RIPPLY3: variants seen among roughly 807,000 people sequenced by gnomAD.
RIPPLY3 encodes the protein protein ripply3.
Under a neutral mutation model 11.9 loss-of-function variants are expected in RIPPLY3, and 8 were observed. That is an observed-to-expected ratio of 0.67 (90% CI 0.40 to 1.21). The LOEUF is 1.21. RIPPLY3 is among the 50% of genes most tolerant of loss of function. RIPPLY3 has a pLI of 0.01. For synonymous variants in RIPPLY3, 102 were observed against 99.0 expected (o/e 1.03, Z -0.18); for missense variants, 271 against 246.0 (o/e 1.10, Z -0.68).
intron 3 of RIPPLY3, among the ~76,000 whole-genome samples, chr21:37,015,356 G>T (rs941454952): frequency 1.3e-5 from 2 of 152,036 alleles, no homozygotes; most frequent in African/African-American, 4.8e-5. Context: ...TAGAGGTGGG[G>T]TTTCACCATG....
intron 2 of RIPPLY3, among the ~76,000 whole-genome samples, chr21:37,012,072 G>A (rs777815471): frequency 2.6e-5 from 4 of 151,634 alleles, no homozygotes; most frequent in Non-Finnish European, 2.9e-5. Flanking sequence ...ATGGAATGGC[G>A]TGGAGATTCA....
chr21:37,019,033 C>T lies in RIPPLY3; in HGVS notation c.*826C>T, dbSNP rs550191384. On this transcript the variant is annotated 3_prime_UTR_variant, in exon 4 of 4. Transcript: ENST00000329553. Reference sequence around the variant, plus strand: ...TTATTAAAAAAAAATTTTTTTAACCCGCCGAATAATTCCCATAAGAGTAAC... The same window carrying T: ...TTATTAAAAAAAAATTTTTTTAACCTGCCGAATAATTCCCATAAGAGTAAC... 3 of 151,462 alleles carry T rather than the reference C, an allele frequency of 2.0e-5. No individual in the cohort carries two copies. Among genetic ancestry groups the T allele is most frequent in the Non-Finnish European group, 2.9e-5 (2 of 67,908 alleles). The allele number at this position is 151,462 out of a possible 1,614,324, so 9.4% of individuals were successfully genotyped here. A position where few individuals can be genotyped will look rare whatever the true frequency, so the allele number is the denominator to read the frequency against.
chr21:37,016,611 C>G (rs1003322781), intron 3 of RIPPLY3, among the ~76,000 whole-genome samples: 4 of 152,044 alleles, frequency 2.6e-5, no homozygotes, highest in Non-Finnish European at 5.9e-5. Flanking sequence ...GCAGGAGGAT[C>G]ACTTGAGCTC....
chr21:37,013,307 A>G (rs145421674), intron 2 of RIPPLY3, among the ~76,000 whole-genome samples: 1 of 152,212 alleles, frequency 6.6e-6, no homozygotes, highest in East Asian at 1.9e-4. Flanking sequence ...TAGATTGTAA[A>G]ATGCTGGACT....
chr21:37,014,917 A>G (rs1194655370), intron 3 of RIPPLY3, among the ~76,000 whole-genome samples: 1 of 152,146 alleles, frequency 6.6e-6, no homozygotes, highest in Non-Finnish European at 1.5e-5. Context: ...TTGTAGAGAC[A>G]AGGTCTCACT....
chr21:37,016,381 A>C (rs2069578826), intron 3 of RIPPLY3, among the ~76,000 whole-genome samples: 1 of 152,208 alleles, frequency 6.6e-6, no homozygotes, highest in Non-Finnish European at 1.5e-5. Context: ...TGAAGTAAAA[A>C]ACTATCATCC....
chr21:37,017,697 G>A (rs145595598), intron 3 of RIPPLY3, among the ~76,000 whole-genome samples, 177 bp from the exon 4 acceptor site: 4 of 152,224 alleles, frequency 2.6e-5, no homozygotes, highest in Non-Finnish European at 5.9e-5. Context: ...ATCACCAGGT[G>A]CCTCCAATAG....
Position 37,018,222 on chromosome 21 carries a change from C to T in RIPPLY3, c.*15C>T, listed in dbSNP as rs768065455. On this transcript the variant is annotated 3_prime_UTR_variant, in exon 4 of 4. Transcript: ENST00000329553. ...CATCCAAATGAATCAGTCTCTGTCT[C>T]CTGGGCCCTGCTCTGGGACCTGCCC... 3 of 1,603,312 alleles carry T rather than the reference C, an allele frequency of 1.9e-6. No individual in the cohort carries two copies. The highest frequency in any genetic ancestry group is 2.6e-6 in the Non-Finnish European group (3 of 1,170,932).
intron 3 of RIPPLY3, among the ~76,000 whole-genome samples, chr21:37,014,758 A>G (rs751597240): frequency 6.6e-6 from 1 of 151,592 alleles, no homozygotes; most frequent in Non-Finnish European, 1.5e-5. Context: ...CTGACATCTC[A>G]CTCTGTCACC....
Position 37,012,253 on chromosome 21 carries a change from T to TA in RIPPLY3, c.172-1298_172-1297insA, listed in dbSNP as rs1569286422. Among the ~76,000 whole-genome samples the TA allele has an allele frequency of 5.0e-3, 739 of 148,890 alleles. 5 individuals are homozygous for TA. The highest frequency in any genetic ancestry group is 0.017 in the African/African-American group (691 of 40,482). The stretch of plus-strand genomic sequence containing the variant: ...TTATTATTATTATTATTATTATTAT[T>TA]TTTGAGACGGAGTCTCGCTCTGTTG... On this transcript the variant is annotated intron_variant, in intron 2 of 3. Transcript: ENST00000329553.
Position 37,006,921 on chromosome 21 carries a change from G to A in RIPPLY3, c.104+45G>A. ...CCGGTGGACGCGCTGAGAGGCGTGCGCGGTGGCGGTGCGGGGAGCGCAGCG... is the reference window on the plus strand; with the variant it reads ...CCGGTGGACGCGCTGAGAGGCGTGCACGGTGGCGGTGCGGGGAGCGCAGCG... On this transcript the variant is annotated intron_variant, in intron 1 of 3. Transcript: ENST00000329553. This position sits in a 1 kb window ranked among gnomAD's most constrained non-coding sequence, Gnocchi z 5.2. 1 of 1,088,662 alleles carries A rather than the reference G, an allele frequency of 9.2e-7. No homozygotes were observed. Among genetic ancestry groups the A allele is most frequent in the Non-Finnish European group, 1.2e-6 (1 of 861,832 alleles). The allele number at this position is 1,088,662 out of a possible 1,614,324, so 67.4% of individuals were successfully genotyped here.
At chr21:37,007,264 G>A (rs796555544) in intron 1 of RIPPLY3, among the ~76,000 whole-genome samples, 34 of 152,274 alleles carry the variant, frequency 2.2e-4, no homozygotes, top group African/African-American at 7.2e-4. Flanking sequence ...TGGATTGGGG[G>A]CTCGGCGTTC....
chr21:37,018,317 C>A lies in RIPPLY3; in HGVS notation c.*110C>A, dbSNP rs1401779842. 4 of 895,660 alleles carry A rather than the reference C, an allele frequency of 4.5e-6. No individual in the cohort carries two copies. The highest frequency in any genetic ancestry group is 5.3e-6 in the Non-Finnish European group (3 of 570,376). The allele number at this position is 895,660 out of a possible 1,614,324, so 55.5% of individuals were successfully genotyped here. On this transcript the variant is annotated 3_prime_UTR_variant, in exon 4 of 4. Coordinates refer to ENST00000329553, the MANE Select transcript of RIPPLY3 (RefSeq NM_018962.3). ...CTGCTGAGTGTGCAGAGGCTAGAGG[C>A]TTCTCGGGCAGCCCCTGGCCTGCAC...
chr21:37,011,080 T>C (rs2069516829), intron 2 of RIPPLY3, among the ~76,000 whole-genome samples: 1 of 152,026 alleles, frequency 6.6e-6, no homozygotes, highest in Admixed American at 6.6e-5. Context: ...CTCAGCTCAC[T>C]GCAGCCTCTG....
rs1228885014 is a variant in RIPPLY3 at position 37,019,516 on chromosome 21, G to C, written c.*1309G>C. The C allele has an allele frequency of 6.6e-6, 1 of 151,846 alleles. No individual in the cohort carries two copies. The highest frequency in any genetic ancestry group is 1.5e-5 in the Non-Finnish European group (1 of 67,986). The allele number at this position is 151,846 out of a possible 1,614,324, so 9.4% of individuals were successfully genotyped here. ...CCCATGAACACTATTTTTAATTAAA[G>C]TATCTGATGTAAAATTATTTTGAGT... On this transcript the variant is annotated 3_prime_UTR_variant, in exon 4 of 4. Coordinates refer to ENST00000329553, the MANE Select transcript of RIPPLY3 (RefSeq NM_018962.3).
In RIPPLY3 at chr21:37,018,152, G is replaced by A. The variant is rs2069600490; in HGVS notation, c.518G>A (p.Gly173Asp). Reference sequence around the variant, plus strand: ...GGAGGGGGTGACCACTGGGGGGAGGGTCCGCTCCCTCAAGGTGTCTCCTCA... The same window carrying A: ...GGAGGGGGTGACCACTGGGGGGAGGATCCGCTCCCTCAAGGTGTCTCCTCA... ...SSGGGDHWGE[G>D]PLPQGVSSRG... The change falls in exon 4 of 4, where the codon GGT (glycine) becomes GAT (aspartate). Residue 173 changes from glycine to aspartate, a missense_variant. Physicochemically the swap from Gly to Asp is moderately conservative, Grantham distance 94. Transcript: ENST00000329553. 6.2e-7 allele frequency: 1 copy of A among 1,613,800 alleles called. No individual in the cohort carries two copies. The highest frequency in any genetic ancestry group is 1.3e-5 in the African/African-American group (1 of 74,912).
In RIPPLY3 at chr21:37,019,596, C is replaced by T. The variant is rs998686587; in HGVS notation, c.*1389C>T. 6.6e-6 allele frequency: 1 copy of T among 151,988 alleles called. No homozygotes were observed. Among genetic ancestry groups the T allele is most frequent in the African/African-American group, 2.4e-5 (1 of 41,392 alleles). 9.4% of individuals were successfully genotyped at this position (151,988 alleles called of 1,614,324 possible). On this transcript the variant is annotated 3_prime_UTR_variant, in exon 4 of 4. Transcript: ENST00000329553. ...GAAACTTTTTGACTTACTTATCTTA[C>T]ATGTGGTGTCTTCCTGTATATAGTA...
chr21:37,008,990 C>G (rs887174277), intron 2 of RIPPLY3, among the ~76,000 whole-genome samples: 4 of 152,024 alleles, frequency 2.6e-5, no homozygotes, highest in Admixed American at 2.0e-4. Context: ...AAGCCCCCAC[C>G]CCGCGTCTGG....
Position 37,018,101 on chromosome 21 carries a change from G to A in RIPPLY3, c.467G>A (p.Gly156Asp), listed in dbSNP as rs1335176687. The A allele has an allele frequency of 6.2e-7, 1 of 1,614,078 alleles. No individual in the cohort carries two copies. ...CCAGGGGGAAAGGGCAGAGACCAGG[G>A]CATCAACCAAGGGCAGCGATCCTCA... ...NGPGGKGRDQ[G>D]INQGQRSSGG... Residue 156 changes from glycine (G) to aspartate (D), a missense_variant, in exon 4 of 4, where the codon GGC becomes GAC. Transcript: ENST00000329553.
Sources: allele counts gnomAD v4.1 joint callset (sites outside exome capture counted in the v4.1 genomes callset), GRCh38; gene constraint gnomAD v4.1.1; non-coding constraint Gnocchi (gnomAD v3.1); transcripts MANE v1.5; gene names NCBI Gene and HGNC (gene_info 2026-07-23, HGNC 2026-07-21).